The following FAM153A variants were observed in gnomAD, a reference collection of about 807,000 sequenced individuals.
FAM153A encodes the protein family with sequence similarity 153 member A.
Under a neutral mutation model 48.1 loss-of-function variants are expected in FAM153A, and 12 were observed. The observed-to-expected ratio is 0.25, with a 90% confidence interval of 0.16 to 0.40. The LOEUF (loss-of-function observed/expected upper bound fraction) is 0.40, where lower values mean the gene tolerates loss of function less well. Ranked by LOEUF, FAM153A falls within the 10% of genes least tolerant of loss-of-function variation. The probability of loss-of-function intolerance (pLI) is 1.00; values close to 1 mark genes in which losing one functional copy is unlikely to be tolerated. For synonymous variants in FAM153A, 36 were observed against 118.2 expected (o/e 0.30, Z 4.51); for missense variants, 111 against 345.8 (o/e 0.32, Z 5.38).
chr5:177,760,234 CCT>C lies in FAM153A; in HGVS notation c.-56-11537_-56-11536del, dbSNP rs1491417875. Among the ~76,000 whole-genome samples the C allele has an allele frequency of 1.3e-4, 13 of 96,878 alleles. No homozygotes were observed. The South Asian group carries it at 2.2e-3, about 16-fold the overall frequency. 63.6% of individuals were successfully genotyped at this position (96,878 alleles called of 152,430 possible). ...TCTCTTAATGCCAAATTGGGAAAGACCTTTTTTTTTTTTTTTTTTTGAGATGG... is the reference window on the plus strand; with the variant it reads ...TCTCTTAATGCCAAATTGGGAAAGACTTTTTTTTTTTTTTTTTTGAGATGG... On this transcript the variant is annotated intron_variant, in intron 1 of 8. Transcript: ENST00000393518.
intron 4 of FAM153A, among the ~76,000 whole-genome samples, chr5:177,746,693 C>T (rs1208091710): frequency 6.6e-6 from 1 of 150,664 alleles, no homozygotes; most frequent in Non-Finnish European, 1.5e-5. Context: ...GTTGCTCATA[C>T]TCACACTGGC....
the FAM153A span, among the ~76,000 whole-genome samples, chr5:177,702,898 C>A: frequency 6.6e-6 from 1 of 152,140 alleles, no homozygotes; most frequent in Middle Eastern, 3.4e-3. Context: ...AATGTCTAAG[C>A]AGAAGCCTCA....
At chr5:177,732,417 C>G (rs1388021188) in intron 14 of FAM153A, among the ~76,000 whole-genome samples, 1 of 98,054 alleles carries the variant, frequency 1.0e-5, no homozygotes, top group African/African-American at 3.4e-5. Context: ...CTGACCTCAG[C>G]TAACTTGTCC....
intron 9 of FAM153A, 114 bp from the exon 12 acceptor site, chr5:177,739,251 A>C: frequency 4.8e-6 from 5 of 1,043,764 alleles, no homozygotes. Context: ...TGGTGGAGGC[A>C]ATGGCCACAA....
At chr5:177,702,642 G>GAA in the FAM153A span, among the ~76,000 whole-genome samples, 1 of 151,884 alleles carries the variant, frequency 6.6e-6, no homozygotes, top group Non-Finnish European at 1.5e-5. Context: ...GCCTAGAAGG[G>GAA]AAGAATGGTT....
chr5:177,710,737 C>A (rs1035696684), downstream of FAM153A, among the ~76,000 whole-genome samples: 1 of 142,344 alleles, frequency 7.0e-6, no homozygotes, highest in Non-Finnish European at 1.5e-5. Flanking sequence ...CATGGTGAAA[C>A]CTTGTCTCTA....
At chr5:177,719,289 C>T, downstream of FAM153A, among the ~76,000 whole-genome samples, 1 of 150,048 alleles carries the variant, frequency 6.7e-6, no homozygotes, top group Non-Finnish European at 1.5e-5. Flanking sequence ...AAGATCCTGA[C>T]ACGTTATCAA....
At chr5:177,715,732 G>T (rs1206524440) in intron 25 of FAM153A, among the ~76,000 whole-genome samples, 2 of 151,644 alleles carry the variant, frequency 1.3e-5, no homozygotes, top group Non-Finnish European at 2.9e-5. Flanking sequence ...TTAGAGACAG[G>T]GCCCACTGTC....
At chr5:177,719,009 T>A (rs531282917), downstream of FAM153A, among the ~76,000 whole-genome samples, 1 of 151,480 alleles carries the variant, frequency 6.6e-6, no homozygotes, top group Non-Finnish European at 1.5e-5. Context: ...GCCTCCCGAG[T>A]AACTGGGACT....
chr5:177,699,457 C>T, the FAM153A span, among the ~76,000 whole-genome samples: 2 of 151,822 alleles, frequency 1.3e-5, no homozygotes, highest in Admixed American at 1.3e-4. Flanking sequence ...CTAGCTAAAA[C>T]TTTTAGCTAG....
the FAM153A span, among the ~76,000 whole-genome samples, chr5:177,701,055 G>A: frequency 3.3e-5 from 5 of 151,790 alleles, no homozygotes; most frequent in African/African-American, 7.3e-5. Context: ...TGGTGGTCTC[G>A]TGATAGTGAG....
At chr5:177,722,562 CGAG>C (rs1338494460), downstream of FAM153A, 3 of 149,814 alleles carry the variant, frequency 2.0e-5, no homozygotes, top group Admixed American at 2.0e-4. Context: ...TCCTGGTGGT[CGAG>C]GAATCTGCAA....
At chr5:177,722,119 ATTTT>A (rs1226072995), downstream of FAM153A, 1 of 144,790 alleles carries the variant, frequency 6.9e-6, no homozygotes, top group East Asian at 2.0e-4. Flanking sequence ...TAAAGTCAGA[ATTTT>A]TTTGTTCTTT....
intron 25 of FAM153A, among the ~76,000 whole-genome samples, chr5:177,715,250 G>A (rs1759446404): frequency 6.6e-6 from 1 of 151,596 alleles, no homozygotes; most frequent in African/African-American, 2.4e-5. Flanking sequence ...CCAAAGTGCT[G>A]AGATTACAGG....
chr5:177,759,802 C>T (rs552789266), intron 1 of FAM153A, among the ~76,000 whole-genome samples: 62 of 148,792 alleles, frequency 4.2e-4, no homozygotes, highest in Non-Finnish European at 5.0e-4. Context: ...CATCACACAC[C>T]GGGGCCTGTT....
Position 177,732,330 on chromosome 5 carries a change from G to A in FAM153A, c.761-230C>T, listed in dbSNP as rs1312967992. Among the ~76,000 whole-genome samples, 19 of 116,394 alleles carry A rather than the reference G, an allele frequency of 1.6e-4. 3 individuals are homozygous for A. The highest frequency in any genetic ancestry group is 1.4e-4 in the African/African-American group (5 of 35,608). The allele number at this position is 116,394 out of a possible 152,430, so 76.4% of individuals were successfully genotyped here. A position where few individuals can be genotyped will look rare whatever the true frequency, so the allele number is the denominator to read the frequency against. ...GTCCTCTAGCTATGCCAACCTCTTC[G>A]ACATGAAAGAGCCCATCTCAAACAG... On this transcript the variant is annotated intron_variant, in intron 14 of 20. Coordinates refer to ENST00000614127, the Ensembl canonical transcript of FAM153A.
At chr5:177,737,971 C>T (rs1025086855) in intron 10 of FAM153A, among the ~76,000 whole-genome samples, 5 of 151,646 alleles carry the variant, frequency 3.3e-5, no homozygotes, top group Non-Finnish European at 7.3e-5. Flanking sequence ...AAGATGACTG[C>T]TACTTGGCCC....
At chr5:177,728,682 CT>C in intron 18 of FAM153A, among the ~76,000 whole-genome samples, 1 of 150,914 alleles carries the variant, frequency 6.6e-6, no homozygotes, top group East Asian at 1.9e-4. Context: ...ATTCTCCTGC[CT>C]TGGCCTCCTG....
Position 177,749,571 on chromosome 5 carries a change from G to A in FAM153A, c.176-872C>T, listed in dbSNP as rs1766548938. Reference sequence around the variant, plus strand: ...TGCCTGCAATTTTTTAAGTGCAGGAGTGAAAGTCTATTGAAATGTTTGAGA... The same window carrying A: ...TGCCTGCAATTTTTTAAGTGCAGGAATGAAAGTCTATTGAAATGTTTGAGA... On this transcript the variant is annotated intron_variant, in intron 2 of 20. Transcript: ENST00000614127. Among the ~76,000 whole-genome samples, 2 of 96,694 alleles carry A rather than the reference G, an allele frequency of 2.1e-5. 1 individual carries two copies. 63.4% of individuals were successfully genotyped at this position (96,694 alleles called of 152,430 possible).
Sources: allele counts gnomAD v4.1 joint callset (sites outside exome capture counted in the v4.1 genomes callset), GRCh38; gene constraint gnomAD v4.1.1; transcripts MANE v1.5; gene names NCBI Gene and HGNC (gene_info 2026-07-23, HGNC 2026-07-21).